SLCO4C1: variants seen among roughly 807,000 people sequenced by gnomAD.
SLCO4C1 encodes organic anion transporter M1.
SLCO4C1 carries 58 observed loss-of-function variants against 72.1 expected under a neutral mutation model. The ratio of observed to expected loss-of-function variants is 0.80; its 90% CI spans 0.65 to 1.00. The LOEUF is 1.00. SLCO4C1 is among the 50% of genes least tolerant of loss of function. The probability of loss-of-function intolerance (pLI) is 0.00; values close to 1 mark genes in which losing one functional copy is unlikely to be tolerated. For synonymous variants in SLCO4C1, 297 were observed against 312.5 expected (o/e 0.95, Z 0.52); for missense variants, 898 against 857.9 (o/e 1.05, Z -0.58).
intron 2 of SLCO4C1, among the ~76,000 whole-genome samples, chr5:102,281,118 T>G (rs1437387523): frequency 6.6e-6 from 1 of 152,160 alleles, no homozygotes; most frequent in Non-Finnish European, 1.5e-5. Flanking sequence ...CATATATCAA[T>G]GGAGCAGAGT....
At chr5:102,237,870 C>T (rs112114572) in intron 12 of SLCO4C1, among the ~76,000 whole-genome samples, 2,365 of 152,258 alleles carry the variant, frequency 0.016, 56 homozygotes, top group African/African-American at 0.054. Context: ...TTAAGATTCA[C>T]TTCACAAACT....
rs774255747 is a variant in SLCO4C1 at position 102,247,381 on chromosome 5, A to G, written c.1682T>C (p.Phe561Ser). The change falls in exon 10 of 13, where the codon TTT becomes TCT. Residue 561 changes from phenylalanine (F) to serine (S), a missense_variant. By Grantham distance (155) the Phe-to-Ser change is radical (BLOSUM62 -2). Coordinates refer to ENST00000310954, the MANE Select transcript of SLCO4C1 (RefSeq NM_180991.5). Reference protein sequence around the residue: ...KTEITSTAETFGFEAKAGKCE... With the variant: ...KTEITSTAETSGFEAKAGKCE... Reference sequence around the variant, plus strand: ...TTTTCCAGCTTTAGCTTCAAAACCAAAAGTTTCTGCAGTGGATGTTATTTC... The same window carrying G: ...TTTTCCAGCTTTAGCTTCAAAACCAGAAGTTTCTGCAGTGGATGTTATTTC... 5.6e-6 allele frequency: 9 copies of G among 1,596,116 alleles called. No homozygotes were observed. Among genetic ancestry groups the G allele is most frequent in the East Asian group, 2.3e-5 (1 of 44,412 alleles).
rs1645561 is a variant in SLCO4C1, at chr5:102,236,603, T to C, written c.*255A>G. 5.9e-6 allele frequency: 2 copies of C among 336,162 alleles called. No homozygotes were observed. The highest frequency in any genetic ancestry group is 2.5e-5 in the African/African-American group (1 of 39,314). 20.8% of individuals were successfully genotyped at this position (336,162 alleles called of 1,614,324 possible). On this transcript the variant is annotated 3_prime_UTR_variant, in exon 13 of 13. Transcript: ENST00000310954. ...GTGCGTGTGTGTGTGTGTGTGTGTG[T>C]TCGTGTGTGTGTGTGTGTGTGTGCT...
intron 3 of SLCO4C1, among the ~76,000 whole-genome samples, chr5:102,264,406 A>ATTG (rs149410613): frequency 6.6e-6 from 1 of 151,904 alleles, no homozygotes; most frequent in African/African-American, 2.4e-5. Context: ...ATGTCTTTTT[A>ATTG]TTGTTGTTGT....
At chr5:102,294,453 G>T (rs901092038) in intron 1 of SLCO4C1, among the ~76,000 whole-genome samples, 5 of 152,024 alleles carry the variant, frequency 3.3e-5, no homozygotes, top group African/African-American at 7.2e-5. Flanking sequence ...AATTACATTT[G>T]ATAACAATTT....
Position 102,295,940 on chromosome 5 carries a change from A to G in SLCO4C1, c.323T>C (p.Leu108Pro). 6.2e-7 allele frequency: 1 copy of G among 1,614,186 alleles called. No individual in the cohort carries two copies. Among genetic ancestry groups the G allele is most frequent in the Non-Finnish European group, 8.5e-7 (1 of 1,179,974 alleles). ...LQRCNTPGGF[L>P]LHYCLLAVTQ... is the part of the protein sequence containing the mutation. ...GACGGCCAAGAGGCAGTAGTGAAGC[A>G]GAAAGCCTCCAGGTGTGTTGCAGCG... Residue 108 changes from leucine to proline, a missense_variant, in exon 1 of 13, where the codon CTG (leucine) becomes CCG (proline). Leu to Pro is a moderately conservative substitution (Grantham distance 98). Transcript: ENST00000310954.
intron 10 of SLCO4C1, among the ~76,000 whole-genome samples, chr5:102,245,565 A>C (rs1748621993): frequency 6.6e-6 from 1 of 152,190 alleles, no homozygotes; most frequent in Admixed American, 6.5e-5. Flanking sequence ...AGAGCTAAAG[A>C]GAGAGACAGG....
chr5:102,261,525 C>T lies in SLCO4C1; in HGVS notation c.1021+387G>A, dbSNP rs1748944110. ...TAACTTAAAAAAAAAAGTACTTGCA[C>T]TTTTAACTACAAATAATTAACATGA... On this transcript the variant is annotated intron_variant, in intron 5 of 12. Coordinates refer to ENST00000310954, the MANE Select transcript of SLCO4C1 (RefSeq NM_180991.5). Among the ~76,000 whole-genome samples, 4 of 149,272 alleles carry T rather than the reference C, an allele frequency of 2.7e-5. No homozygotes were observed. The South Asian group carries it at 8.4e-4, about 31-fold the overall frequency.
chr5:102,245,975 A>G (rs1748628312), intron 10 of SLCO4C1, among the ~76,000 whole-genome samples: 2 of 152,096 alleles, frequency 1.3e-5, no homozygotes, highest in South Asian at 4.1e-4. Flanking sequence ...AGAAAATTGA[A>G]AAATTTATTG....
intron 3 of SLCO4C1, among the ~76,000 whole-genome samples, chr5:102,264,838 A>AT (rs70990403): frequency 0.75 from 114,190 of 151,688 alleles, 43,026 homozygotes; most frequent in Middle Eastern, 0.84. Context: ...ATGAGCTGAT[A>AT]TTTTTTCTTT....
chr5:102,289,696 TG>T (rs1749519271), intron 2 of SLCO4C1, among the ~76,000 whole-genome samples: 1 of 152,268 alleles, frequency 6.6e-6, no homozygotes, highest in African/African-American at 2.4e-5. Flanking sequence ...TATGTCAAGT[TG>T]CCTTGTGCAG....
chr5:102,296,162 G>C lies in SLCO4C1; in HGVS notation c.101C>G (p.Ala34Gly), dbSNP rs1749649929. 6.2e-7 allele frequency: 1 copy of C among 1,611,442 alleles called. No individual in the cohort carries two copies. The highest frequency in any genetic ancestry group is 8.5e-7 in the Non-Finnish European group (1 of 1,178,490). The change falls in exon 1 of 13, where the codon GCC (alanine) becomes GGC (glycine). Residue 34 changes from alanine to glycine, a missense_variant. Coordinates refer to ENST00000310954, the MANE Select transcript of SLCO4C1 (RefSeq NM_180991.5). ...SASPSQIEVSALSSDPQRENS... is the reference protein window; with the variant it reads ...SASPSQIEVSGLSSDPQRENS... ...CTCTCTTTGGGGGTCAGAGGACAAGGCAGAGACTTCGATTTGGGAGGGCGA... is the reference window on the plus strand; with the variant it reads ...CTCTCTTTGGGGGTCAGAGGACAAGCCAGAGACTTCGATTTGGGAGGGCGA...
intron 2 of SLCO4C1, among the ~76,000 whole-genome samples, chr5:102,278,114 T>C (rs1252798872): frequency 1.3e-5 from 2 of 151,974 alleles, no homozygotes; most frequent in African/African-American, 4.8e-5. Flanking sequence ...CTACAAGAAA[T>C]TCACTTCAAA....
chr5:102,258,233 G>A, intron 6 of SLCO4C1, 146 bp from the exon 7 acceptor site: 4 of 558,600 alleles, frequency 7.2e-6, no homozygotes, highest in South Asian at 3.6e-5. Flanking sequence ...ATATAACTAT[G>A]GATAATTAAT....
chr5:102,237,764 A>T (rs1287748441), intron 12 of SLCO4C1, among the ~76,000 whole-genome samples: 1 of 152,204 alleles, frequency 6.6e-6, no homozygotes, highest in Non-Finnish European at 1.5e-5. Flanking sequence ...TAATTCTAAA[A>T]ATTAAAAAGG....
chr5:102,263,147 G>T (rs532852525), intron 4 of SLCO4C1, among the ~76,000 whole-genome samples: 2 of 152,262 alleles, frequency 1.3e-5, no homozygotes, highest in South Asian at 2.1e-4. Flanking sequence ...GATTAAATAA[G>T]ATAGCACATA....
intron 10 of SLCO4C1, among the ~76,000 whole-genome samples, chr5:102,241,713 CA>C (rs1006180242): frequency 5.7e-4 from 87 of 151,976 alleles, no homozygotes; most frequent in African/African-American, 2.0e-3. Flanking sequence ...ATCAAAATTC[CA>C]AGAGCATCTT....
At position 102,270,798 on chromosome 5, in the gene SLCO4C1, C is replaced by A; in HGVS notation, c.628G>T (p.Val210Leu). The A allele has an allele frequency of 6.5e-7, 1 of 1,544,070 alleles. No individual in the cohort carries two copies. The change falls in exon 3 of 13, where the codon GTA (valine) becomes TTA (leucine). Residue 210 changes from valine (V) to leucine (L), a missense_variant. Coordinates refer to ENST00000310954, the MANE Select transcript of SLCO4C1 (RefSeq NM_180991.5). Reference sequence around the variant, plus strand: ...CAACTGGTGCTATTCCTTGTTGTTACACAAGTGTCTTTGTGGAAAAAAAAA... The same window carrying A: ...CAACTGGTGCTATTCCTTGTTGTTAAACAAGTGTCTTTGTGGAAAAAAAAA... ...KLGSLFEDTCVTTRNSTSCTS... is the reference protein window; with the variant it reads ...KLGSLFEDTCLTTRNSTSCTS...
At chr5:102,273,936 G>T (rs1011504257) in intron 2 of SLCO4C1, among the ~76,000 whole-genome samples, 3 of 151,912 alleles carry the variant, frequency 2.0e-5, no homozygotes, top group African/African-American at 7.3e-5. Context: ...ATATCCACAG[G>T]TTCCATATCT....
Sources: gnomAD v4.1 joint callset for allele counts (sites outside exome capture counted in the v4.1 genomes callset) on GRCh38, gnomAD v4.1.1 for gene constraint, MANE v1.5 for transcripts, NCBI Gene and HGNC (gene_info 2026-07-23, HGNC 2026-07-21) for gene names.